Variants in NOC3L observed in about 807,000 individuals in gnomAD.
NOC3L encodes nucleolar complex protein 3 homolog.
NOC3L carries 85 observed loss-of-function variants against 102.5 expected under a neutral mutation model. The ratio of observed to expected loss-of-function variants is 0.83; its 90% confidence interval spans 0.70 to 0.99. The LOEUF (loss-of-function observed/expected upper bound fraction) is 0.99, where lower values mean the gene tolerates loss of function less well. Among genes scored for constraint, NOC3L ranks in the 50% least tolerant of loss-of-function variants. The pLI, the probability that NOC3L is intolerant of heterozygous loss-of-function variation, is 0.00. For missense variants in NOC3L, 878 were observed against 914.9 expected, an observed-to-expected ratio of 0.96 and a Z score of 0.52; for synonymous variants, 303 against 309.4, an observed-to-expected ratio of 0.98 and a Z score of 0.22.
intron 1 of NOC3L, among the ~76,000 whole-genome samples, chr10:94,362,612 T>C (rs1326015957): frequency 6.6e-6 from 1 of 152,158 alleles, no homozygotes; most frequent in East Asian, 1.9e-4. Flanking sequence ...ATCCCACGCA[T>C]GCAAAACTCC....
At position 94,341,736 on chromosome 10, in the gene NOC3L, G is replaced by A. The variant is rs765165535; in HGVS notation, c.1581C>T (p.His527=). ...CATCAAAAAATTCCACATTTATAAGGTGAGCAAACCTGGAATCAAACAAAA... is the reference window on the plus strand; with the variant it reads ...CATCAAAAAATTCCACATTTATAAGATGAGCAAACCTGGAATCAAACAAAA... ...AVLEGLAKFA[H]LINVEFFDDL... is the part of the protein sequence containing the mutation. Residue 527 remains histidine (H), a synonymous_variant, in exon 14 of 21, where the codon CAC becomes CAT. Coordinates refer to ENST00000371361, the MANE Select transcript of NOC3L (RefSeq NM_022451.11). 3.2e-6 allele frequency: 5 copies of A among 1,556,578 alleles called. No homozygotes were observed. The highest frequency in any genetic ancestry group is 2.7e-5 in the African/African-American group (2 of 72,916).
rs765668391 is a variant in NOC3L at position 94,340,237 on chromosome 10, T to C, written c.1780+39A>G. ...TGGGTCATAACATATTCTTAAAACA[T>C]AAATACATATAAAAGAAACATTATC... On this transcript the variant is annotated intron_variant, in intron 16 of 20. Transcript: ENST00000371361. The C allele has an allele frequency of 2.7e-6, 4 of 1,501,256 alleles. No homozygotes were observed. In the South Asian group the frequency reaches 3.5e-5, roughly 13 times the overall value. 93.0% of individuals were successfully genotyped at this position (1,501,256 alleles called of 1,614,324 possible).
Position 94,340,433 on chromosome 10 carries a change from C to G in NOC3L, c.1708G>C (p.Gly570Arg), listed in dbSNP as rs770359023. 6.2e-7 allele frequency: 1 copy of G among 1,606,684 alleles called. No individual in the cohort carries two copies. The highest frequency in any genetic ancestry group is 8.5e-7 in the Non-Finnish European group (1 of 1,177,434). Residue 570 changes from glycine (G) to arginine (R), a missense_variant and splice_region_variant, in exon 15 of 21, where the codon GGT becomes CGT. Physicochemically the swap from Gly to Arg is moderately radical, Grantham distance 125. Coordinates refer to ENST00000371361, the MANE Select transcript of NOC3L (RefSeq NM_022451.11). ...QTAFHILSGQ[G>R]DVLNIDPLKF... ...AAACTTGATTAAGAAAATATCATAC[C>G]TTGTCCAGAAAGAATATGAAAAGCA...
chr10:94,352,224 A>G lies in NOC3L; in HGVS notation c.952+86T>C. The G allele has an allele frequency of 5.8e-6, 5 of 862,438 alleles. No individual in the cohort carries two copies. In the South Asian group the frequency reaches 7.4e-5, roughly 13 times the overall value. The allele number at this position is 862,438 out of a possible 1,614,324, so 53.4% of individuals were successfully genotyped here. ...CTGTTCCTGACCATACCTGCCTCTC[A>G]CTACACAACACAGAACACTGTACAG... On this transcript the variant is annotated intron_variant, in intron 8 of 20. Transcript: ENST00000371361.
At chr10:94,322,094 C>A in the NOC3L span, 1 of 1,598,056 alleles carries the variant, frequency 6.3e-7, no homozygotes, top group Admixed American at 1.7e-5. Flanking sequence ...TGAGTCCTTT[C>A]CTCAGCATAA....
chr10:94,355,941 C>T (rs575295648), intron 5 of NOC3L, among the ~76,000 whole-genome samples: 1 of 152,200 alleles, frequency 6.6e-6, no homozygotes, highest in African/African-American at 2.4e-5. Flanking sequence ...TGATGGGTGA[C>T]TGAAAACAGT....
At chr10:94,335,490 G>GT (rs948169911) in intron 19 of NOC3L, among the ~76,000 whole-genome samples, 25 of 151,944 alleles carry the variant, frequency 1.6e-4, no homozygotes, top group Non-Finnish European at 3.2e-4. Flanking sequence ...GGTGAGAAGT[G>GT]TGAGGGAAGA....
intron 3 of NOC3L, chr10:94,357,574 A>C (rs2054503536): frequency 6.1e-6 from 2 of 328,806 alleles, no homozygotes; most frequent in Admixed American, 9.4e-5. Flanking sequence ...TCTAGATGCA[A>C]AATAAAGGTG....
intron 7 of NOC3L, 81 bp from the exon 8 acceptor site, chr10:94,352,484 G>C: frequency 4.6e-6 from 4 of 875,078 alleles, no homozygotes; most frequent in Non-Finnish European, 7.4e-6. Context: ...TGTGTGTCTA[G>C]TATACACCCA....
At chr10:94,351,817 C>T (rs1364958118) in intron 8 of NOC3L, among the ~76,000 whole-genome samples, 2 of 152,028 alleles carry the variant, frequency 1.3e-5, no homozygotes, top group African/African-American at 4.8e-5. Flanking sequence ...TGTGACCCAC[C>T]ACGCCTGGCC....
At chr10:94,318,282 A>C in the NOC3L span, among the ~76,000 whole-genome samples, 7 of 152,224 alleles carry the variant, frequency 4.6e-5, no homozygotes, top group Non-Finnish European at 1.0e-4. Context: ...GCTTAGCTGT[A>C]CTTTTGAAGC....
downstream of NOC3L, chr10:94,330,621 C>T (rs1046001262): frequency 4.0e-5 from 6 of 150,350 alleles, no homozygotes; most frequent in African/African-American, 1.2e-4. Context: ...GAACTCAAGA[C>T]GCAGAGGTTG....
chr10:94,348,658 A>G (rs1244092599), intron 10 of NOC3L, among the ~76,000 whole-genome samples: 2 of 152,140 alleles, frequency 1.3e-5, no homozygotes, highest in Non-Finnish European at 2.9e-5. Flanking sequence ...TTAAATAGTA[A>G]CATTCTGAGC....
chr10:94,342,283 G>A (rs74376354), intron 13 of NOC3L, among the ~76,000 whole-genome samples: 1 of 152,098 alleles, frequency 6.6e-6, no homozygotes, highest in South Asian at 2.1e-4. Context: ...ACCCAATAGG[G>A]TTAAAGAAGA....
At chr10:94,327,147 C>T in the NOC3L span, among the ~76,000 whole-genome samples, 8 of 152,040 alleles carry the variant, frequency 5.3e-5, no homozygotes, top group Admixed American at 2.0e-4. Context: ...AGCGACAGAG[C>T]GAGACTCCGT....
At chr10:94,339,963 T>C in intron 16 of NOC3L, 43 bp from the exon 17 acceptor site, 1 of 1,535,632 alleles carries the variant, frequency 6.5e-7, no homozygotes, top group African/African-American at 1.4e-5. Flanking sequence ...CTCATTACTT[T>C]TTCATTACGC....
At chr10:94,326,812 T>C in the NOC3L span, among the ~76,000 whole-genome samples, 10 of 152,226 alleles carry the variant, frequency 6.6e-5, no homozygotes, top group African/African-American at 2.4e-4. Context: ...TTTTTCTTTT[T>C]CTAAGCAAGC....
the NOC3L span, chr10:94,321,942 G>A: frequency 6.2e-7 from 1 of 1,613,814 alleles, no homozygotes. Context: ...ACAAAGAGGT[G>A]ATCTTGAGCT....
rs368421678 is a variant in NOC3L at position 94,337,785 on chromosome 10, C to T, written c.2181G>A (p.Leu727=). ...GCAATGCTAAATATTACCTTCGACT[C>T]AACTCTGGTTTGAGTGCTCCAGAGC... The part of the protein sequence containing the change: ...SEGSGALKPE[L]SRRSATELFE... The change falls in exon 19 of 21, where the codon TTG becomes TTA. Residue 727 remains leucine (L), a synonymous_variant. Coordinates refer to ENST00000371361, the MANE Select transcript of NOC3L (RefSeq NM_022451.11). 2 of 1,611,340 alleles carry T rather than the reference C, an allele frequency of 1.2e-6. No homozygotes were observed. The highest frequency in any genetic ancestry group is 1.7e-6 in the Non-Finnish European group (2 of 1,177,722).
Sources: allele counts gnomAD v4.1 joint callset (sites outside exome capture counted in the v4.1 genomes callset), GRCh38; gene constraint gnomAD v4.1.1; transcripts MANE v1.5; gene names NCBI Gene and HGNC (gene_info 2026-07-23, HGNC 2026-07-21).